Variants in CILP2 observed in about 807,000 individuals in gnomAD.
CILP2 encodes cartilage intermediate layer protein 2.
A neutral mutation model predicts 45.6 loss-of-function variants in CILP2; 38 were observed. That is an observed-to-expected ratio of 0.83 (90% CI 0.64 to 1.09). The LOEUF is 1.09. Ranked by LOEUF, CILP2 falls within the 50% of genes least tolerant of loss-of-function variation. The pLI is 0.00. For missense variants in CILP2, 1,735 were observed against 1,662.2 expected (o/e 1.04, Z -0.76); for synonymous variants, 780 against 723.5 (o/e 1.08, Z -1.25).
rs149052951 is a variant in CILP2, at chr19:19,544,496, G to T, written c.1951G>T (p.Gly651Cys). Residue 651 changes from glycine to cysteine, a missense_variant, in exon 8 of 8, where the codon GGC becomes TGC. By Grantham distance (159) the Gly-to-Cys change is radical. Coordinates refer to ENST00000291495, the MANE Select transcript of CILP2 (RefSeq NM_153221.2). ...GTTCTCCGTGGACCTCCGTGCGCCC[G>T]GCTCCGCGGAGCAGCTGCAGGTGGG... ...GMFSVDLRAP[G>C]SAEQLQVGPV... 1.9e-6 allele frequency: 3 copies of T among 1,603,520 alleles called. No homozygotes were observed. Among genetic ancestry groups the T allele is most frequent in the Non-Finnish European group, 2.5e-6 (3 of 1,178,346 alleles).
In CILP2 at chr19:19,544,015, C is replaced by G; in HGVS notation, c.1470C>G (p.Phe490Leu). 1 of 1,613,762 alleles carries G rather than the reference C, an allele frequency of 6.2e-7. No individual in the cohort carries two copies. The highest frequency in any genetic ancestry group is 8.5e-7 in the Non-Finnish European group (1 of 1,179,876). The change falls in exon 8 of 8, where the codon TTC becomes TTG. Residue 490 changes from phenylalanine (F) to leucine (L), a missense_variant. Physicochemically the swap from Phe to Leu is conservative, Grantham distance 22 (BLOSUM62 0). Transcript: ENST00000291495. ...VAADSGEPLR[F>L]ARILLGQEPI... The stretch of plus-strand genomic sequence containing the variant: ...CTGACTCCGGGGAGCCGCTACGCTT[C>G]GCCAGGATTCTGCTGGGCCAGGAGC...
chr19:19,545,600 C>A lies in CILP2; in HGVS notation c.3055C>A (p.Arg1019=). Residue 1019 remains arginine (R), a synonymous_variant, in exon 8 of 8, where the codon CGG becomes AGG. Transcript: ENST00000291495. ...GACCATTATGCCCCAGGGCAGCTGC[C>A]GGCGCGTGGCCGTCAACGGACTCCT... is the stretch of plus-strand genomic sequence containing the variant. ...LVTIMPQGSC[R]RVAVNGLLRD... 6.2e-7 allele frequency: 1 copy of A among 1,608,500 alleles called. No homozygotes were observed. The highest frequency in any genetic ancestry group is 2.2e-5 in the East Asian group (1 of 44,700).
In CILP2 at chr19:19,544,179, C is replaced by G. The variant is rs1480909769; in HGVS notation, c.1634C>G (p.Ala545Gly). 6.2e-7 allele frequency: 1 copy of G among 1,613,630 alleles called. No homozygotes were observed. Among genetic ancestry groups the G allele is most frequent in the Non-Finnish European group, 8.5e-7 (1 of 1,179,740 alleles). The change falls in exon 8 of 8, where the codon GCC becomes GGC. Residue 545 changes from alanine to glycine, a missense_variant. Ala to Gly is a moderately conservative substitution (Grantham distance 60). Coordinates refer to ENST00000291495, the MANE Select transcript of CILP2 (RefSeq NM_153221.2). ...VRVLPFDPRGAGVYHEVKAMR... is the reference protein window; with the variant it reads ...VRVLPFDPRGGGVYHEVKAMR... ...GTCTTGCCTTTTGATCCTCGAGGTG[C>G]CGGCGTGTACCACGAGGTCAAGGCC... is the stretch of plus-strand genomic sequence containing the variant.
At chr19:19,540,908 C>A in intron 3 of CILP2, 183 bp from the exon 4 acceptor site, 1 of 524,560 alleles carries the variant, frequency 1.9e-6, no homozygotes, top group Non-Finnish European at 2.9e-6. Context: ...TAAACTATGT[C>A]TTCGACAGGC....
Position 19,545,662 on chromosome 19 carries a change from C to T in CILP2, c.3117C>T (p.Pro1039=), listed in dbSNP as rs745826472. Reference sequence around the variant, plus strand: ...TGACCCGGCACCCCCCACCGGTGCCCGCGGAGGACCCAGCTGCCTTCTCCA... The same window carrying T: ...TGACCCGGCACCCCCCACCGGTGCCTGCGGAGGACCCAGCTGCCTTCTCCA... The part of the protein sequence containing the change: ...DYLTRHPPPV[P]AEDPAAFSML... Residue 1039 remains proline, a synonymous_variant, in exon 8 of 8, where the codon CCC becomes CCT. Coordinates refer to ENST00000291495, the MANE Select transcript of CILP2 (RefSeq NM_153221.2). The T allele has an allele frequency of 1.9e-6, 3 of 1,609,836 alleles. No individual in the cohort carries two copies. The highest frequency in any genetic ancestry group is 2.2e-5 in the East Asian group (1 of 44,718).
chr19:19,542,771 G>T (rs1443196997), intron 5 of CILP2, 93 bp from the exon 6 acceptor site: 7 of 1,573,774 alleles, frequency 4.4e-6, no homozygotes, highest in Non-Finnish European at 3.5e-6. Flanking sequence ...CACAGAGTGA[G>T]TCGGCATTTC....
chr19:19,541,716 C>T (rs1429426200), intron 4 of CILP2, among the ~76,000 whole-genome samples: 8 of 152,218 alleles, frequency 5.3e-5, no homozygotes, highest in Non-Finnish European at 1.0e-4. Context: ...CACCCCGGTC[C>T]CCCACGCCCA....
chr19:19,546,106 C>G lies in CILP2; in HGVS notation c.*90C>G. On this transcript the variant is annotated 3_prime_UTR_variant, in exon 8 of 8. Transcript: ENST00000291495. ...CTCCTTCTTCTCCAGACAGCCCCCT[C>G]CCCAGGTGTCTGGGTCCCCTTTCCC... is the stretch of plus-strand genomic sequence containing the variant. 1 of 1,122,818 alleles carries G rather than the reference C, an allele frequency of 8.9e-7. No individual in the cohort carries two copies. Among genetic ancestry groups the G allele is most frequent in the Non-Finnish European group, 1.2e-6 (1 of 848,306 alleles). 69.6% of individuals were successfully genotyped at this position (1,122,818 alleles called of 1,614,324 possible).
chr19:19,545,511 C>A lies in CILP2; in HGVS notation c.2966C>A (p.Ala989Asp), dbSNP rs1328803806. 1 of 1,612,606 alleles carries A rather than the reference C, an allele frequency of 6.2e-7. No homozygotes were observed. The highest frequency in any genetic ancestry group is 2.2e-5 in the East Asian group (1 of 44,866). The change falls in exon 8 of 8, where the codon GCC becomes GAC. Residue 989 changes from alanine to aspartate, a missense_variant. Transcript: ENST00000291495. ...RDPERPGTSA[A>D]CVEFKCSGML... ...CCCGAGCGTCCGGGCACCTCGGCAG[C>A]CTGCGTGGAGTTCAAGTGCAGCGGG...
rs747574429 is a variant in CILP2 at position 19,540,365 on chromosome 19, G to A, written c.325G>A (p.Val109Ile). The A allele has an allele frequency of 6.4e-5, 99 of 1,546,650 alleles. No individual in the cohort carries two copies. In the East Asian group the frequency reaches 2.0e-3, roughly 31 times the overall value. ...RTTDWALPSA[V>I]GERVHLNPTR... Reference sequence around the variant, plus strand: ...CACGGACTGGGCCCTGCCGTCCGCCGTCGGCGAGCGCGTGCACTTGAACCC... The same window carrying A: ...CACGGACTGGGCCCTGCCGTCCGCCATCGGCGAGCGCGTGCACTTGAACCC... Residue 109 changes from valine (V) to isoleucine (I), a missense_variant, in exon 3 of 8, where the codon GTC (valine) becomes ATC (isoleucine). Physicochemically the swap from Val to Ile is conservative, Grantham distance 29. Coordinates refer to ENST00000291495, the MANE Select transcript of CILP2 (RefSeq NM_153221.2).
At position 19,544,760 on chromosome 19, in the gene CILP2, G is replaced by T; in HGVS notation, c.2215G>T (p.Val739Leu). The T allele has an allele frequency of 6.2e-7, 1 of 1,606,896 alleles. No homozygotes were observed. The highest frequency in any genetic ancestry group is 8.5e-7 in the Non-Finnish European group (1 of 1,179,426). ...CGTGCCTGAGCGCCGCCGCTGCTTCGTGAAGGTGCGCGCCTACGCCAACGA... is the reference window on the plus strand; with the variant it reads ...CGTGCCTGAGCGCCGCCGCTGCTTCTTGAAGGTGCGCGCCTACGCCAACGA... ...LDVPERRRCF[V>L]KVRAYANDKF... Residue 739 changes from valine to leucine, a missense_variant, in exon 8 of 8, where the codon GTG (valine) becomes TTG (leucine). Physicochemically the swap from Val to Leu is conservative, Grantham distance 32. Transcript: ENST00000291495.
Position 19,545,267 on chromosome 19 carries a change from G to A in CILP2, c.2722G>A (p.Glu908Lys), listed in dbSNP as rs1473305567. Residue 908 changes from glutamate to lysine, a missense_variant, in exon 8 of 8, where the codon GAG becomes AAG. Physicochemically the swap from Glu to Lys is moderately conservative, Grantham distance 56 (BLOSUM62 1). Transcript: ENST00000291495. ...CGCCAGGGTGGAGGCGGACAAGTAC[G>A]AGTACAACGTGGTCCCCTTCCGAGA... Reference protein sequence around the residue: ...RFARVEADKYEYNVVPFREGT... With the variant: ...RFARVEADKYKYNVVPFREGT... 3 of 1,612,710 alleles carry A rather than the reference G, an allele frequency of 1.9e-6. No individual in the cohort carries two copies. The highest frequency in any genetic ancestry group is 2.2e-5 in the East Asian group (1 of 44,872).
Position 19,542,511 on chromosome 19 carries a change from C to T in CILP2, c.729C>T (p.His243=), listed in dbSNP as rs771647902. ...GCACTGTGGCCACCAGCGATGCTCACGGAACCTTCCGGGTGCCTGGTGTCT... is the reference window on the plus strand; with the variant it reads ...GCACTGTGGCCACCAGCGATGCTCATGGAACCTTCCGGGTGCCTGGTGTCT... The part of the protein sequence containing the change: ...QPGTVATSDA[H]GTFRVPGVCA... Residue 243 remains histidine (H), a synonymous_variant, in exon 5 of 8, where the codon CAC becomes CAT. Coordinates refer to ENST00000291495, the MANE Select transcript of CILP2 (RefSeq NM_153221.2). The T allele has an allele frequency of 1.8e-5, 29 of 1,613,872 alleles. No individual in the cohort carries two copies. In the Admixed American group the frequency reaches 3.0e-4, roughly 17 times the overall value.
chr19:19,542,293 G>A (rs2061247314), intron 4 of CILP2, 82 bp from the exon 5 acceptor site: 2 of 1,496,422 alleles, frequency 1.3e-6, no homozygotes, highest in Non-Finnish European at 1.8e-6. Flanking sequence ...CATATTTGTT[G>A]AGTGACTGAT....
At chr19:19,541,037 A>C (rs1418550570) in intron 3 of CILP2, 54 bp from the exon 4 acceptor site, 1 of 1,236,114 alleles carries the variant, frequency 8.1e-7, no homozygotes, top group Non-Finnish European at 1.0e-6. Context: ...GGTTACCCGG[A>C]GGCGCAGTTC....
chr19:19,538,462 C>T, intron 1 of CILP2, 49 bp downstream of exon 1: 1 of 1,399,370 alleles, frequency 7.1e-7, no homozygotes, highest in Non-Finnish European at 9.3e-7. Flanking sequence ...TCCCGAGGGC[C>T]TGGCAGCCGG....
chr19:19,543,323 A>C lies in CILP2; in HGVS notation c.1053A>C (p.Pro351=). 6.2e-7 allele frequency: 1 copy of C among 1,613,676 alleles called. No individual in the cohort carries two copies. The highest frequency in any genetic ancestry group is 8.5e-7 in the Non-Finnish European group (1 of 1,179,984). ...GAHLELRGLR[P]DQAGIYHCKA... ...ACCTGGAGCTGCGGGGACTGCGCCC[A>C]GACCAGGCTGGCATCTACCACTGCA... Residue 351 remains proline, a synonymous_variant, in exon 7 of 8, where the codon CCA becomes CCC. Transcript: ENST00000291495.
At position 19,544,113 on chromosome 19, in the gene CILP2, CTT is replaced by C; in HGVS notation, c.1571_1572del (p.Phe524CysfsTer6). ...CCCTCCACCCAGCGGCTGGTGGTGA[CTT>C]TTGTGGACCCCAGCGGTGAGTTCAT... is the stretch of plus-strand genomic sequence containing the variant. On this transcript the variant is annotated frameshift_variant, in exon 8 of 8. Coordinates refer to ENST00000291495, the MANE Select transcript of CILP2 (RefSeq NM_153221.2). LOFTEE classifies it low-confidence loss of function (END_TRUNC). 1 of 1,613,928 alleles carries C rather than the reference CTT, an allele frequency of 6.2e-7. No homozygotes were observed. The highest frequency in any genetic ancestry group is 8.5e-7 in the Non-Finnish European group (1 of 1,180,024).
In CILP2 at chr19:19,544,886, T is replaced by G. The variant is rs772284220; in HGVS notation, c.2341T>G (p.Phe781Val). 6.3e-7 allele frequency: 1 copy of G among 1,589,540 alleles called. No individual in the cohort carries two copies. Among genetic ancestry groups the G allele is most frequent in the Middle Eastern group, 1.7e-4 (1 of 6,000 alleles). Residue 781 changes from phenylalanine (F) to valine (V), a missense_variant, in exon 8 of 8, where the codon TTT (phenylalanine) becomes GTT (valine). Phe to Val is a conservative substitution (Grantham distance 50). Coordinates refer to ENST00000291495, the MANE Select transcript of CILP2 (RefSeq NM_153221.2). ...CGCCAACCCCCGTGCCTGGGGCCGC[T>G]TTGACAGCGCGGTCACCGGCCCCAA... is the stretch of plus-strand genomic sequence containing the variant. ...FSANPRAWGR[F>V]DSAVTGPNGA...
Sources: gnomAD v4.1 joint callset for allele counts (sites outside exome capture counted in the v4.1 genomes callset) on GRCh38, gnomAD v4.1.1 for gene constraint, MANE v1.5 for transcripts, NCBI Gene and HGNC (gene_info 2026-07-23, HGNC 2026-07-21) for gene names.